BRIX1: variants seen among roughly 807,000 people sequenced by gnomAD.
The protein encoded by BRIX1 is ribosome biogenesis protein BRX1 homolog.
In BRIX1, 15 loss-of-function variants were observed where a neutral mutation model predicts 44.0. The ratio of observed to expected loss-of-function variants is 0.34; its 90% CI spans 0.23 to 0.53. The LOEUF (loss-of-function observed/expected upper bound fraction) is 0.53, where lower values mean the gene tolerates loss of function less well. Ranked by LOEUF, BRIX1 falls within the 20% of genes least tolerant of loss-of-function variation. The pLI, the probability that BRIX1 is intolerant of heterozygous loss-of-function variation, is 0.95. For synonymous variants in BRIX1, 149 were observed against 135.4 expected, an observed-to-expected ratio of 1.10 and a Z score of -0.70; for missense variants, 420 against 432.8, an observed-to-expected ratio of 0.97 and a Z score of 0.26.
At position 34,925,553 on chromosome 5, in the gene BRIX1, G is replaced by T; in HGVS notation, c.*58G>T. On this transcript the variant is annotated 3_prime_UTR_variant, in exon 10 of 10. Coordinates refer to ENST00000336767, the MANE Select transcript of BRIX1 (RefSeq NM_018321.4). Reference sequence around the variant, plus strand: ...TTTATATTTATTTTGTATTCAATGTGTAAATACTTTTATTATCTAATACTA... The same window carrying T: ...TTTATATTTATTTTGTATTCAATGTTTAAATACTTTTATTATCTAATACTA... The T allele has an allele frequency of 6.9e-7, 1 of 1,447,730 alleles. No individual in the cohort carries two copies. The highest frequency in any genetic ancestry group is 9.4e-7 in the Non-Finnish European group (1 of 1,068,680). 89.7% of individuals were successfully genotyped at this position (1,447,730 alleles called of 1,614,324 possible).
chr5:34,923,245 C>T lies in BRIX1; in HGVS notation c.663+11C>T, dbSNP rs776127914. 6.4e-7 allele frequency: 1 copy of T among 1,558,606 alleles called. No homozygotes were observed. Among genetic ancestry groups the T allele is most frequent in the Non-Finnish European group, 8.8e-7 (1 of 1,130,494 alleles). On this transcript the variant is annotated intron_variant, in intron 8 of 9. Coordinates refer to ENST00000336767, the MANE Select transcript of BRIX1 (RefSeq NM_018321.4). ...TTTCGGAACTTTCAGGTAAGCTTTA[C>T]TTGATTTTTAATTATACCTTTTTTT... is the stretch of plus-strand genomic sequence containing the variant.
intron 1 of BRIX1, among the ~76,000 whole-genome samples, chr5:34,917,012 G>A (rs889391198): frequency 5.3e-5 from 8 of 152,150 alleles, no homozygotes; most frequent in African/African-American, 1.9e-4. Flanking sequence ...TGGAAGTGCA[G>A]GAGATATAGA....
At chr5:34,920,649 G>A (rs1279205770) in intron 3 of BRIX1, 1 of 152,134 alleles carries the variant, frequency 6.6e-6, no homozygotes, top group Non-Finnish European at 1.5e-5. Context: ...TTGGACAGCT[G>A]AGGCTACACC....
chr5:34,917,729 G>A (rs1047344592), intron 1 of BRIX1, among the ~76,000 whole-genome samples: 1 of 152,148 alleles, frequency 6.6e-6, no homozygotes, highest in Non-Finnish European at 1.5e-5. Context: ...TAGCCATTTA[G>A]GAGTTTTGCA....
At chr5:34,925,032 G>T in intron 9 of BRIX1, 57 bp downstream of exon 9, 1 of 1,564,178 alleles carries the variant, frequency 6.4e-7, no homozygotes, top group South Asian at 1.2e-5. Flanking sequence ...TGGCCAAAAT[G>T]ATTCTGTGAA....
intron 3 of BRIX1, chr5:34,920,979 CT>C (rs1764225536): frequency 6.6e-6 from 1 of 152,322 alleles, no homozygotes; most frequent in South Asian, 2.1e-4. Context: ...ATTCTCCTGC[CT>C]CAGCCTCCCG....
At position 34,915,885 on chromosome 5, in the gene BRIX1, C is replaced by T; in HGVS notation, c.147C>T (p.Gly49=). The change falls in exon 1 of 10, where the codon GGC becomes GGT. Residue 49 remains glycine (G), a synonymous_variant. Transcript: ENST00000336767. The part of the protein sequence containing the change: ...VEEEERDRIP[G]PVCKGKWKNK... The stretch of plus-strand genomic sequence containing the variant: ...AAGAAGAGAGGGACCGGATCCCAGG[C>T]CCCGTTTGCAAGGTAGGAGGGGATG... 6.4e-7 allele frequency: 1 copy of T among 1,555,672 alleles called. No homozygotes were observed. The highest frequency in any genetic ancestry group is 8.7e-7 in the Non-Finnish European group (1 of 1,149,872).
chr5:34,918,326 A>T (rs772696593), intron 1 of BRIX1, 38 bp from the exon 2 acceptor site: 2 of 1,097,002 alleles, frequency 1.8e-6, no homozygotes, highest in African/African-American at 3.1e-5. Flanking sequence ...AGTTCAGTAT[A>T]AGATTTTAAA....
At chr5:34,924,167 T>A (rs1269642526) in intron 8 of BRIX1, among the ~76,000 whole-genome samples, 2 of 152,114 alleles carry the variant, frequency 1.3e-5, no homozygotes, top group Non-Finnish European at 2.9e-5. Flanking sequence ...ACTCTAGAAA[T>A]CTTGAAGCAG....
Position 34,919,898 on chromosome 5 carries a change from TA to T in BRIX1, c.315+17del. ...TGATTAACGAGGTAATTTTGGAAAG[TA>T]ATTGCAACAAAATATTTTTAAAATG... On this transcript the variant is annotated intron_variant, in intron 3 of 9. Transcript: ENST00000336767. 9.8e-7 allele frequency: 1 copy of T among 1,021,286 alleles called. No individual in the cohort carries two copies. The highest frequency in any genetic ancestry group is 2.6e-5 in the East Asian group (1 of 38,560). 63.3% of individuals were successfully genotyped at this position (1,021,286 alleles called of 1,614,324 possible).
At position 34,925,309 on chromosome 5, in the gene BRIX1, A is replaced by G. The variant is rs199872591; in HGVS notation, c.876A>G (p.Lys292=). The G allele has an allele frequency of 2.5e-5, 41 of 1,613,814 alleles. No homozygotes were observed. Among genetic ancestry groups the G allele is most frequent in the Admixed American group, 1.0e-4 (6 of 60,014 alleles). ...QVKDVQKLRK[K]EPKTLLPHDP... Reference sequence around the variant, plus strand: ...AAGATGTGCAAAAACTGAGAAAGAAAGAGCCGAAGACTCTTCTTCCACATG... The same window carrying G: ...AAGATGTGCAAAAACTGAGAAAGAAGGAGCCGAAGACTCTTCTTCCACATG... The change falls in exon 10 of 10, where the codon AAA becomes AAG. Residue 292 remains lysine (K), a synonymous_variant. Transcript: ENST00000336767.
chr5:34,916,520 C>T (rs941720335), intron 1 of BRIX1: 1 of 152,202 alleles, frequency 6.6e-6, no homozygotes, highest in Admixed American at 6.5e-5. Context: ...TGACCTCTTC[C>T]TCCTGAAATG....
In BRIX1 at chr5:34,925,346, G is replaced by C. The variant is rs1180442659; in HGVS notation, c.913G>C (p.Asp305His). The C allele has an allele frequency of 1.2e-6, 2 of 1,613,820 alleles. No homozygotes were observed. Among genetic ancestry groups the C allele is most frequent in the African/African-American group, 1.3e-5 (1 of 74,892 alleles). Residue 305 changes from aspartate (D) to histidine (H), a missense_variant, in exon 10 of 10, where the codon GAT becomes CAT. Coordinates refer to ENST00000336767, the MANE Select transcript of BRIX1 (RefSeq NM_018321.4). ...TCTTCTTCCACATGATCCCACTGCA[G>C]ATGTTTTTGTAACACCAGCTGAGGA... ...KTLLPHDPTA[D>H]VFVTPAEEKP...
At chr5:34,920,022 G>T in intron 3 of BRIX1, 139 bp downstream of exon 3, 1 of 477,816 alleles carries the variant, frequency 2.1e-6, no homozygotes, top group East Asian at 3.7e-5. Context: ...TCAATAACTG[G>T]TCTTCCAAAT....
In BRIX1 at chr5:34,915,999, C is replaced by G. The variant is rs1223191270; in HGVS notation, c.159+102C>G. The G allele has an allele frequency of 4.5e-6, 6 of 1,337,786 alleles. No individual in the cohort carries two copies. The African/African-American group carries it at 8.9e-5, about 20-fold the overall frequency. 82.9% of individuals were successfully genotyped at this position (1,337,786 alleles called of 1,614,324 possible). On this transcript the variant is annotated intron_variant, in intron 1 of 9. Coordinates refer to ENST00000336767, the MANE Select transcript of BRIX1 (RefSeq NM_018321.4). The stretch of plus-strand genomic sequence containing the variant: ...AGCCTTGCTTAATTTCAGAGTAGCC[C>G]GGGTGTTAACGGTAGGTCGGTTTTA...
rs1764065641 is a variant in BRIX1, at chr5:34,915,910, G to A, written c.159+13G>A. On this transcript the variant is annotated intron_variant, in intron 1 of 9. Coordinates refer to ENST00000336767, the MANE Select transcript of BRIX1 (RefSeq NM_018321.4). Reference sequence around the variant, plus strand: ...CCCCGTTTGCAAGGTAGGAGGGGATGTCCCCGGGCTACACCTGCGGCGGCG... The same window carrying A: ...CCCCGTTTGCAAGGTAGGAGGGGATATCCCCGGGCTACACCTGCGGCGGCG... 1.3e-6 allele frequency: 2 copies of A among 1,543,446 alleles called. No individual in the cohort carries two copies. Among genetic ancestry groups the A allele is most frequent in the Admixed American group, 2.1e-5 (1 of 48,538 alleles).
chr5:34,917,475 T>G (rs1453738752), intron 1 of BRIX1, among the ~76,000 whole-genome samples: 1 of 148,160 alleles, frequency 6.7e-6, no homozygotes, highest in Admixed American at 6.7e-5. Flanking sequence ...CTACTAACAC[T>G]ACAAAAAAAA....
intron 2 of BRIX1, chr5:34,918,859 C>G (rs1764176258): frequency 7.0e-6 from 1 of 142,740 alleles, no homozygotes; most frequent in African/African-American, 2.5e-5. Context: ...AAAAATGGAC[C>G]TGGGATAGAA....
Position 34,923,019 on chromosome 5 carries a change from C to T in BRIX1, c.529C>T (p.His177Tyr), listed in dbSNP as rs771557980. 9 of 1,538,468 alleles carry T rather than the reference C, an allele frequency of 5.8e-6. No individual in the cohort carries two copies. Among genetic ancestry groups the T allele is most frequent in the African/African-American group, 4.1e-5 (3 of 73,228 alleles). ...SFDPAFDELP[H>Y]YALLKELLIQ... ...TTTATAGGCTTTTGATGAATTACCA[C>T]ATTATGCTTTGTTAAAAGAACTCTT... Residue 177 changes from histidine to tyrosine, a missense_variant, in exon 7 of 10, where the codon CAT becomes TAT. Coordinates refer to ENST00000336767, the MANE Select transcript of BRIX1 (RefSeq NM_018321.4).
Sources: gnomAD v4.1 joint callset for allele counts (sites outside exome capture counted in the v4.1 genomes callset) on GRCh38, gnomAD v4.1.1 for gene constraint, MANE v1.5 for transcripts, NCBI Gene and HGNC (gene_info 2026-07-23, HGNC 2026-07-21) for gene names.